Variants in EPS15 observed in about 807,000 individuals in gnomAD.
EPS15 encodes the protein epidermal growth factor receptor substrate 15.
In EPS15, 72 loss-of-function variants were observed where a neutral mutation model predicts 113.8. The ratio of observed to expected loss-of-function variants is 0.63; its 90% CI spans 0.52 to 0.77. The LOEUF (loss-of-function observed/expected upper bound fraction) is 0.77, where lower values mean the gene tolerates loss of function less well. EPS15 is among the 30% of genes least tolerant of loss of function. The probability of loss-of-function intolerance (pLI) is 0.00; values close to 1 mark genes in which losing one functional copy is unlikely to be tolerated. For missense variants in EPS15, 1,048 were observed against 1,045.8 expected (o/e 1.00, Z -0.03); for synonymous variants, 344 against 363.4 (o/e 0.95, Z 0.61).
At chr1:51,374,830 A>G (rs1031726705) in intron 21 of EPS15, among the ~76,000 whole-genome samples, 6 of 151,876 alleles carry the variant, frequency 4.0e-5, no homozygotes, top group South Asian at 4.2e-4. Flanking sequence ...CAGCCTCCCA[A>G]GTAGCTGGAA....
chr1:51,390,736 A>G (rs1262189390), intron 21 of EPS15, among the ~76,000 whole-genome samples: 4 of 152,352 alleles, frequency 2.6e-5, no homozygotes, highest in African/African-American at 9.6e-5. Flanking sequence ...ACTGGCCATC[A>G]GAGAAATGCA....
At chr1:51,423,059 G>C (rs1190877499) in intron 12 of EPS15, 2 of 370,500 alleles carry the variant, frequency 5.4e-6, no homozygotes, top group African/African-American at 4.2e-5. Flanking sequence ...TCACCTTCTT[G>C]AGGTGAGATT....
chr1:51,376,779 A>G (rs1425183107), intron 21 of EPS15, among the ~76,000 whole-genome samples: 1 of 152,244 alleles, frequency 6.6e-6, no homozygotes, highest in Non-Finnish European at 1.5e-5. Flanking sequence ...GCCTGCTAAC[A>G]CAACATCCAT....
At chr1:51,500,766 C>T (rs563472686) in intron 1 of EPS15, among the ~76,000 whole-genome samples, 215 of 152,074 alleles carry the variant, frequency 1.4e-3, no homozygotes, top group Non-Finnish European at 2.4e-3. Context: ...GGGAGGATCA[C>T]GAGGTCAGGA....
chr1:51,505,073 T>C (rs976315882), intron 1 of EPS15, among the ~76,000 whole-genome samples: 5 of 151,996 alleles, frequency 3.3e-5, no homozygotes, highest in East Asian at 3.8e-4. Flanking sequence ...TGAGCCATGA[T>C]TGCGCCACTG....
At chr1:51,433,257 T>G (rs1651879005) in intron 12 of EPS15, among the ~76,000 whole-genome samples, 1 of 151,746 alleles carries the variant, frequency 6.6e-6, no homozygotes, top group African/African-American at 2.4e-5. Context: ...AGCTATTGAG[T>G]AAATCCTGTA....
chr1:51,497,944 T>G (rs1644353300), intron 1 of EPS15, among the ~76,000 whole-genome samples: 2 of 146,448 alleles, frequency 1.4e-5, no homozygotes, highest in South Asian at 4.3e-4. Context: ...GCCACTGCAC[T>G]CCAGCCTGGC....
At chr1:51,469,452 C>T (rs1267490747) in intron 4 of EPS15, among the ~76,000 whole-genome samples, 1 of 152,094 alleles carries the variant, frequency 6.6e-6, no homozygotes, top group African/African-American at 2.4e-5. Flanking sequence ...AAGTCTTAGT[C>T]CAAAACTTAA....
At chr1:51,368,126 C>T (rs1646548657) in intron 21 of EPS15, among the ~76,000 whole-genome samples, 1 of 151,732 alleles carries the variant, frequency 6.6e-6, no homozygotes, top group Non-Finnish European at 1.5e-5. Flanking sequence ...AGCAAGACTC[C>T]GTCTCAAAAA....
intron 1 of EPS15, among the ~76,000 whole-genome samples, chr1:51,518,644 G>T (rs1323553503): frequency 6.6e-6 from 1 of 152,182 alleles, no homozygotes; most frequent in Non-Finnish European, 1.5e-5. Flanking sequence ...GGAAGGGAGG[G>T]CTTCCGTCGG....
chr1:51,449,136 C>T (rs1320428395), intron 8 of EPS15, among the ~76,000 whole-genome samples: 1 of 152,258 alleles, frequency 6.6e-6, no homozygotes, highest in African/African-American at 2.4e-5. Flanking sequence ...GACATATGCA[C>T]ACATATGTTC....
At position 51,403,609 on chromosome 1, in the gene EPS15, A is replaced by C. The variant is rs578037050; in HGVS notation, c.1678-77T>G. The C allele has an allele frequency of 3.2e-5, 22 of 687,626 alleles. No homozygotes were observed. The South Asian group carries it at 4.8e-4, about 15-fold the overall frequency. The allele number at this position is 687,626 out of a possible 1,614,324, so 42.6% of individuals were successfully genotyped here. ...AGAAAACTGACTAAAGATAACCAAA[A>C]ACTATTTAAAAATAAAAAAAGACAA... On this transcript the variant is annotated intron_variant, in intron 16 of 24. Transcript: ENST00000371733.
Position 51,486,648 on chromosome 1 carries a change from T to C in EPS15, c.34-5334A>G, listed in dbSNP as rs138998505. 7.7e-3 allele frequency among the ~76,000 whole-genome samples: 1,177 copies of C among 152,092 alleles called. 8 individuals are homozygous for C. The highest frequency in any genetic ancestry group is 0.027 in the Middle Eastern group (8 of 294). Reference sequence around the variant, plus strand: ...GGCAAAAGGACACTGCCTGTGAAAATACTGAGACTGATATATTTATAATTT... The same window carrying C: ...GGCAAAAGGACACTGCCTGTGAAAACACTGAGACTGATATATTTATAATTT... On this transcript the variant is annotated intron_variant, in intron 1 of 24. Transcript: ENST00000371733.
chr1:51,473,924 G>C (rs1427235894), intron 2 of EPS15, among the ~76,000 whole-genome samples: 1 of 152,138 alleles, frequency 6.6e-6, no homozygotes. Context: ...GGAATAAGAG[G>C]AAGTATAAGG....
intron 13 of EPS15, among the ~76,000 whole-genome samples, chr1:51,413,697 A>C (rs910214219): frequency 6.6e-6 from 1 of 152,192 alleles, no homozygotes; most frequent in Non-Finnish European, 1.5e-5. Flanking sequence ...CTGACATTTA[A>C]AACTTTCATT....
At chr1:51,410,977 A>G (rs1649664790) in intron 13 of EPS15, among the ~76,000 whole-genome samples, 1 of 152,234 alleles carries the variant, frequency 6.6e-6, no homozygotes. Context: ...AGAAAACTGA[A>G]GTACTGATGT....
chr1:51,399,012 T>C lies in EPS15; in HGVS notation c.2052+20A>G. The C allele has an allele frequency of 6.2e-7, 1 of 1,604,432 alleles. No homozygotes were observed. The highest frequency in any genetic ancestry group is 8.5e-7 in the Non-Finnish European group (1 of 1,174,790). On this transcript the variant is annotated intron_variant, in intron 20 of 24. Transcript: ENST00000371733. ...ACTTATTATCCATTTAACTTAACAG[T>C]TTTTAATTCTCCCACTTACCGATGT... is the stretch of plus-strand genomic sequence containing the variant.
chr1:51,448,255 G>T, intron 8 of EPS15, 120 bp from the exon 9 acceptor site: 1 of 517,992 alleles, frequency 1.9e-6, no homozygotes. Context: ...TAAGAAATTG[G>T]GCTGGGAGGG....
intron 20 of EPS15, among the ~76,000 whole-genome samples, chr1:51,394,750 C>T (rs1647753251): frequency 6.6e-6 from 1 of 152,190 alleles, no homozygotes; most frequent in Non-Finnish European, 1.5e-5. Context: ...CTGCCAATAC[C>T]TCAGAAGTCT....
Sources: gnomAD v4.1 joint callset for allele counts (sites outside exome capture counted in the v4.1 genomes callset) on GRCh38, gnomAD v4.1.1 for gene constraint, MANE v1.5 for transcripts, NCBI Gene and HGNC (gene_info 2026-07-23, HGNC 2026-07-21) for gene names.